SIRPG: variants seen among roughly 807,000 people sequenced by gnomAD.
The protein encoded by SIRPG is signal-regulatory protein gamma.
SIRPG carries 38 observed loss-of-function variants against 35.7 expected under a neutral mutation model. The ratio of observed to expected loss-of-function variants is 1.06; its 90% CI spans 0.82 to 1.40. The LOEUF is 1.40. SIRPG is among the 40% of genes most tolerant of loss of function. The pLI, the probability that SIRPG is intolerant of heterozygous loss-of-function variation, is 0.00. For synonymous variants in SIRPG, 215 were observed against 190.4 expected, an observed-to-expected ratio of 1.13 and a Z score of -1.06; for missense variants, 519 against 483.0, an observed-to-expected ratio of 1.07 and a Z score of -0.70.
At chr20:1,663,906 T>C in the SIRPG span, among the ~76,000 whole-genome samples, 1 of 152,212 alleles carries the variant, frequency 6.6e-6, no homozygotes, top group African/African-American at 2.4e-5. Context: ...AAGAAATACC[T>C]GAGGCTGGGT....
Position 1,636,234 on chromosome 20 carries a change from C to T in SIRPG, c.702G>A (p.Gln234=), listed in dbSNP as rs569541055. 7.1e-5 allele frequency: 114 copies of T among 1,614,198 alleles called. No homozygotes were observed. The Middle Eastern group carries it at 1.3e-3, about 19-fold the overall frequency. Residue 234 remains glutamine (Q), a synonymous_variant, in exon 3 of 6, where the codon CAG becomes CAA. Coordinates refer to ENST00000303415, the MANE Select transcript of SIRPG (RefSeq NM_018556.4). ...TGGCAGTCCCACGAAGAGGGTCCCCCTGCAAGGTGACATGGGCCACCTCGC... is the reference window on the plus strand; with the variant it reads ...TGGCAGTCCCACGAAGAGGGTCCCCTTGCAAGGTGACATGGGCCACCTCGC... ...VICEVAHVTL[Q]GDPLRGTANL...
chr20:1,649,352 T>G lies in SIRPG; in HGVS notation c.130A>C (p.Thr44Pro), dbSNP rs751532170. The change falls in exon 2 of 6, where the codon ACA (threonine) becomes CCA (proline). Residue 44 changes from threonine (T) to proline (P), a missense_variant. Thr to Pro is a conservative substitution (Grantham distance 38, BLOSUM62 -1). Transcript: ENST00000303415. The part of the protein sequence containing the change: ...MIQPEKLLLV[T>P]VGKTATLHCT... ...TGCAGAGTGGCTGTCTTTCCAACTG[T>G]GACCAACAGGAGCTTCTCAGGCTGA... 6.2e-7 allele frequency: 1 copy of G among 1,613,968 alleles called. No individual in the cohort carries two copies. Among genetic ancestry groups the G allele is most frequent in the Non-Finnish European group, 8.5e-7 (1 of 1,179,902 alleles).
chr20:1,679,729 C>A, the SIRPG span, among the ~76,000 whole-genome samples: 1 of 152,150 alleles, frequency 6.6e-6, no homozygotes, highest in Admixed American at 6.6e-5. Context: ...CCATTTTCAA[C>A]ACTAATGGCA....
chr20:1,646,387 A>G (rs1252228713), intron 2 of SIRPG: 4 of 152,216 alleles, frequency 2.6e-5, no homozygotes, highest in Admixed American at 2.6e-4. Flanking sequence ...GAAATACCTC[A>G]TCTCCTCATC....
chr20:1,685,951 C>T, the SIRPG span, among the ~76,000 whole-genome samples: 1 of 151,810 alleles, frequency 6.6e-6, no homozygotes, highest in Non-Finnish European at 1.5e-5. Context: ...CCTCAAGGCT[C>T]CAGCCTCAAG....
chr20:1,644,341 C>T (rs2091880357), intron 2 of SIRPG, among the ~76,000 whole-genome samples: 1 of 152,186 alleles, frequency 6.6e-6, no homozygotes. Flanking sequence ...GCACTCTGGC[C>T]GCAGTTTGCC....
At chr20:1,654,315 A>G (rs969029416) in intron 1 of SIRPG, among the ~76,000 whole-genome samples, 1 of 152,200 alleles carries the variant, frequency 6.6e-6, no homozygotes, top group Non-Finnish European at 1.5e-5. Flanking sequence ...CAAAGTAATC[A>G]AAATGGCATG....
intron 2 of SIRPG, among the ~76,000 whole-genome samples, chr20:1,642,050 G>T (rs1201352780): frequency 6.6e-6 from 1 of 152,224 alleles, no homozygotes; most frequent in African/African-American, 2.4e-5. Flanking sequence ...TTGTGGCACT[G>T]AGAACAATGT....
chr20:1,684,281 CT>C, the SIRPG span, among the ~76,000 whole-genome samples: 1 of 151,972 alleles, frequency 6.6e-6, no homozygotes, highest in African/African-American at 2.4e-5. Context: ...AGTATATATG[CT>C]TTTCTCAAAC....
At position 1,634,922 on chromosome 20, in the gene SIRPG, A is replaced by G. The variant is rs929286066; in HGVS notation, c.1081+345T>C. 4.0e-5 allele frequency among the ~76,000 whole-genome samples: 6 copies of G among 151,836 alleles called. No individual in the cohort carries two copies. The East Asian group carries it at 1.2e-3, about 30-fold the overall frequency. On this transcript the variant is annotated intron_variant, in intron 4 of 5. Coordinates refer to ENST00000303415, the MANE Select transcript of SIRPG (RefSeq NM_018556.4). ...GTCGGGCGTGGTGGCGGGCGCCTGTAGTCCCAGCTACTCGGGAGGCTGAGA... is the reference window on the plus strand; with the variant it reads ...GTCGGGCGTGGTGGCGGGCGCCTGTGGTCCCAGCTACTCGGGAGGCTGAGA...
At chr20:1,672,274 C>T in the SIRPG span, among the ~76,000 whole-genome samples, 5 of 152,038 alleles carry the variant, frequency 3.3e-5, no homozygotes, top group East Asian at 1.9e-4. Flanking sequence ...ACCCAAATTT[C>T]GTGAATACAC....
At chr20:1,668,227 CTTTCTTTCTTTCTTTCTTTCTTTTTCTT>C in the SIRPG span, among the ~76,000 whole-genome samples, 13 of 60,538 alleles carry the variant, frequency 2.1e-4, no homozygotes, top group Middle Eastern at 0.014. Flanking sequence ...TTCTTTCTTT[CTTTCTTTCTTTCTTTCTTTCTTTTTCTT>C]TTTCTTTTTC....
chr20:1,634,806 G>A (rs1009221738), intron 4 of SIRPG, among the ~76,000 whole-genome samples: 2 of 151,970 alleles, frequency 1.3e-5, no homozygotes, highest in Admixed American at 6.5e-5. Context: ...CACTTTGGGA[G>A]GCTGAGGCGG....
At chr20:1,674,540 C>T in the SIRPG span, among the ~76,000 whole-genome samples, 21,639 of 152,174 alleles carry the variant, frequency 0.14, 2,554 homozygotes, top group East Asian at 0.58. Context: ...AGTACCAGAG[C>T]CCGGAAGTGG....
the SIRPG span, among the ~76,000 whole-genome samples, chr20:1,666,100 G>GT: frequency 6.7e-6 from 1 of 148,370 alleles, no homozygotes; most frequent in South Asian, 2.2e-4. Context: ...GGAGGTCTTA[G>GT]TTTTTAACAA....
the SIRPG span, chr20:1,669,862 T>G: frequency 6.5e-6 from 1 of 154,800 alleles, no homozygotes; most frequent in Non-Finnish European, 1.5e-5. Context: ...GCATGACTAT[T>G]ACTATTAACA....
intron 4 of SIRPG, among the ~76,000 whole-genome samples, chr20:1,632,292 T>C (rs558406836): frequency 2.0e-5 from 3 of 152,254 alleles, no homozygotes; most frequent in Non-Finnish European, 2.9e-5. Context: ...CAGTATTACT[T>C]GAAGAGAGAA....
At position 1,630,258 on chromosome 20, in the gene SIRPG, C is replaced by G; in HGVS notation, c.1130G>C (p.Gly377Ala). 1 of 1,574,616 alleles carries G rather than the reference C, an allele frequency of 6.4e-7. No homozygotes were observed. Among genetic ancestry groups the G allele is most frequent in the Non-Finnish European group, 8.6e-7 (1 of 1,159,328 alleles). The change falls in exon 5 of 6, where the codon GGC becomes GCC. Residue 377 changes from glycine to alanine, a missense_variant. Gly to Ala is a moderately conservative substitution (Grantham distance 60, BLOSUM62 0). Transcript: ENST00000303415. ...TALLLIAVLLGPIYVPWKQKT is the reference protein window; with the variant it reads ...TALLLIAVLLAPIYVPWKQKT ...CTGCTTCCAGGGGACGTAGATGGGG[C>G]CCAGGAGGACAGCTATGAGGAGCAG...
At chr20:1,630,127 G>T in intron 5 of SIRPG, 95 bp downstream of exon 5, 1 of 969,682 alleles carries the variant, frequency 1.0e-6, no homozygotes, top group Non-Finnish European at 1.6e-6. Context: ...TTAACTCCAC[G>T]GACCCTGGTG....
Sources: allele counts gnomAD v4.1 joint callset (sites outside exome capture counted in the v4.1 genomes callset), GRCh38; gene constraint gnomAD v4.1.1; transcripts MANE v1.5; gene names NCBI Gene and HGNC (gene_info 2026-07-23, HGNC 2026-07-21).